SLC47A2: variants seen among roughly 807,000 people sequenced by gnomAD.
SLC47A2 encodes solute carrier family 47 member 2, also known as multidrug and toxin extrusion protein 2.
SLC47A2 carries 52 observed loss-of-function variants against 67.7 expected under a neutral mutation model. That is an observed-to-expected ratio of 0.77 (90% CI 0.61 to 0.97). The LOEUF (loss-of-function observed/expected upper bound fraction) is 0.97, where lower values mean the gene tolerates loss of function less well. SLC47A2 is among the 50% of genes least tolerant of loss of function. SLC47A2 has a pLI of 0.00. For missense variants in SLC47A2, 676 were observed against 712.3 expected, an observed-to-expected ratio of 0.95 and a Z score of 0.58; for synonymous variants, 278 against 292.9, an observed-to-expected ratio of 0.95 and a Z score of 0.52.
chr17:19,690,268 A>G (rs1304868357), intron 13 of SLC47A2, among the ~76,000 whole-genome samples: 1 of 152,234 alleles, frequency 6.6e-6, no homozygotes, highest in Non-Finnish European at 1.5e-5. Flanking sequence ...ACAAAAATCA[A>G]TTCAAAATGG....
intron 3 of SLC47A2, chr17:19,714,319 A>G (rs1452963246): frequency 7.8e-6 from 3 of 385,782 alleles, no homozygotes; most frequent in Non-Finnish European, 1.4e-5. Flanking sequence ...CCCCATGGCC[A>G]CCTGGGCAGC....
At chr17:19,692,159 C>A in intron 13 of SLC47A2, 1 of 347,470 alleles carries the variant, frequency 2.9e-6, no homozygotes, top group Non-Finnish European at 5.4e-6. Flanking sequence ...ACTCGGAAGG[C>A]AGAGGTTGAA....
chr17:19,679,631 A>T (rs564907134), intron 16 of SLC47A2, among the ~76,000 whole-genome samples: 80 of 152,100 alleles, frequency 5.3e-4, no homozygotes, highest in Admixed American at 1.2e-3. Context: ...CGCAGATCTT[A>T]TGTCTGGCCT....
chr17:19,704,478 A>G (rs1434031926), intron 10 of SLC47A2, among the ~76,000 whole-genome samples: 1 of 152,236 alleles, frequency 6.6e-6, no homozygotes, highest in Admixed American at 6.5e-5. Context: ...AAATGAGTAA[A>G]CAGATTTTAA....
At chr17:19,697,293 G>A (rs183447740) in intron 13 of SLC47A2, among the ~76,000 whole-genome samples, 31 of 152,178 alleles carry the variant, frequency 2.0e-4, no homozygotes, top group African/African-American at 4.8e-4. Context: ...GCAAGACTCC[G>A]TCTCAAAGGA....
At chr17:19,705,100 ACG>A in intron 10 of SLC47A2, 1 of 385,384 alleles carries the variant, frequency 2.6e-6, no homozygotes, top group Non-Finnish European at 4.6e-6. Context: ...GGGATTACAC[ACG>A]TGAGCCACTG....
chr17:19,712,638 T>C, intron 5 of SLC47A2, 65 bp downstream of exon 5: 1 of 1,543,090 alleles, frequency 6.5e-7, no homozygotes, highest in Admixed American at 1.8e-5. Context: ...GCAGATAGAG[T>C]GGGAAAGCAA....
chr17:19,682,667 G>A (rs2085342541), intron 13 of SLC47A2, among the ~76,000 whole-genome samples: 1 of 152,130 alleles, frequency 6.6e-6, no homozygotes. Flanking sequence ...AATCACACCT[G>A]CAAAGTCCCA....
intron 13 of SLC47A2, among the ~76,000 whole-genome samples, chr17:19,697,695 C>G (rs1054902855): frequency 1.3e-5 from 2 of 151,730 alleles, no homozygotes; most frequent in Non-Finnish European, 1.5e-5. Flanking sequence ...ACAAGCTATC[C>G]TCCCACCTCA....
chr17:19,703,063 A>G, intron 12 of SLC47A2, 29 bp downstream of exon 12: 4 of 1,604,476 alleles, frequency 2.5e-6, no homozygotes, highest in Non-Finnish European at 3.4e-6. Flanking sequence ...ACATTTTCCA[A>G]GAGTCAGCAC....
At position 19,678,608 on chromosome 17, in the gene SLC47A2, TG is replaced by T; in HGVS notation, c.*77del. The T allele has an allele frequency of 2.1e-6, 3 of 1,449,712 alleles. No homozygotes were observed. Among genetic ancestry groups the T allele is most frequent in the Non-Finnish European group, 1.9e-6 (2 of 1,038,046 alleles). 89.8% of individuals were successfully genotyped at this position (1,449,712 alleles called of 1,614,324 possible). A position where few individuals can be genotyped will look rare whatever the true frequency, so the allele number is the denominator to read the frequency against. Reference sequence around the variant, plus strand: ...GTCCACCTGCACTAGACCCCATTGGTGTTTTTGCAGGGCAGACCGTGGTGTG... The same window carrying T: ...GTCCACCTGCACTAGACCCCATTGGTTTTTTGCAGGGCAGACCGTGGTGTG... On this transcript the variant is annotated 3_prime_UTR_variant, in exon 17 of 17. Coordinates refer to ENST00000433844, the MANE Select transcript of SLC47A2 (RefSeq NM_001099646.3).
chr17:19,707,015 A>G (rs111495859), intron 8 of SLC47A2, among the ~76,000 whole-genome samples: 3,907 of 152,214 alleles, frequency 0.026, 169 homozygotes, highest in African/African-American at 0.089. Context: ...GGCTCAGGGC[A>G]TGGGTGTTGG....
rs997846305 is a variant in SLC47A2, at chr17:19,708,381, C to T, written c.550G>A (p.Val184Ile). The T allele has an allele frequency of 6.2e-7, 1 of 1,614,120 alleles. No individual in the cohort carries two copies. Among genetic ancestry groups the T allele is most frequent in the South Asian group, 1.1e-5 (1 of 91,070 alleles). The change falls in exon 7 of 17, where the codon GTC (valine) becomes ATC (isoleucine). Residue 184 changes from valine to isoleucine, a missense_variant. By Grantham distance (29) the Val-to-Ile change is conservative. Transcript: ENST00000433844. ...LQNQKITWPQ[V>I]LSGVVGNCVN... ...CAGTTGCCCACCACACCACTGAGGA[C>T]TTGGGGCCAGGTGATCTTCTGAAAT...
chr17:19,686,262 C>G (rs2085426284), intron 13 of SLC47A2, among the ~76,000 whole-genome samples: 1 of 151,962 alleles, frequency 6.6e-6, no homozygotes, highest in African/African-American at 2.4e-5. Context: ...GACCCTGTCT[C>G]AAATAAATAA....
Position 19,704,073 on chromosome 17 carries a change from T to C in SLC47A2, c.1015A>G (p.Ile339Val). ...KRSAVSGVLS[I>V]VGISLVLGTL... ...ACCAGGAGAGGACTCCACCTACCTA[T>C]GCTGAGCACGCCCGAGACGGCCGAG... is the stretch of plus-strand genomic sequence containing the variant. Residue 339 changes from isoleucine (I) to valine (V), a missense_variant, in exon 11 of 17, where the codon ATA (isoleucine) becomes GTA (valine). Ile to Val is a conservative substitution (Grantham distance 29). Transcript: ENST00000433844. The C allele has an allele frequency of 2.5e-6, 4 of 1,607,032 alleles. No homozygotes were observed. The South Asian group carries it at 4.4e-5, about 18-fold the overall frequency.
chr17:19,682,651 A>T (rs1481735113), intron 13 of SLC47A2, among the ~76,000 whole-genome samples: 2 of 152,290 alleles, frequency 1.3e-5, no homozygotes, highest in Admixed American at 6.5e-5. Context: ...CTATCTCCAG[A>T]TTCTTAATCA....
upstream of SLC47A2, chr17:19,716,713 C>T: frequency 8.7e-7 from 1 of 1,145,984 alleles, no homozygotes; most frequent in Non-Finnish European, 1.2e-6. Flanking sequence ...TGGGATGAGC[C>T]CTGCCTCCTA....
intron 13 of SLC47A2, among the ~76,000 whole-genome samples, chr17:19,690,038 A>G (rs1177282524): frequency 6.6e-6 from 1 of 152,228 alleles, no homozygotes; most frequent in Non-Finnish European, 1.5e-5. Context: ...GAGCTGTAGT[A>G]ACCAAAACAG....
intron 11 of SLC47A2, 134 bp from the exon 12 acceptor site, chr17:19,703,301 G>T: frequency 4.1e-6 from 3 of 726,176 alleles, no homozygotes; most frequent in South Asian, 1.6e-5. Flanking sequence ...TTTGTCACAG[G>T]CCTTCATGTC....
Sources: allele counts gnomAD v4.1 joint callset (sites outside exome capture counted in the v4.1 genomes callset), GRCh38; gene constraint gnomAD v4.1.1; transcripts MANE v1.5; gene names NCBI Gene and HGNC (gene_info 2026-07-23, HGNC 2026-07-21).